Variants in EYA1 observed in about 807,000 individuals in gnomAD.
EYA1 encodes protein phosphatase EYA1.
EYA1 carries 16 observed loss-of-function variants against 82.0 expected under a neutral mutation model. That is an observed-to-expected ratio of 0.20 (90% CI 0.13 to 0.30). The LOEUF is 0.30. Ranked by LOEUF, EYA1 falls within the 10% of genes least tolerant of loss-of-function variation. The pLI, the probability that EYA1 is intolerant of heterozygous loss-of-function variation, is 1.00. For missense variants in EYA1, 633 were observed against 730.7 expected (o/e 0.87, Z 1.54); for synonymous variants, 261 against 264.4 (o/e 0.99, Z 0.12).
chr8:71,546,701 A>C (rs780670882), intron 1 of EYA1, among the ~76,000 whole-genome samples: 1 of 151,994 alleles, frequency 6.6e-6, no homozygotes, highest in African/African-American at 2.4e-5. Flanking sequence ...ACGGGGCTTC[A>C]CCATGTTGGC....
chr8:71,514,686 G>A (rs1812837894), intron 2 of EYA1, among the ~76,000 whole-genome samples: 1 of 152,052 alleles, frequency 6.6e-6, no homozygotes, highest in Non-Finnish European at 1.5e-5. Context: ...AATAGCACAG[G>A]AAAGATGGGC....
chr8:71,425,141 G>A (rs1454165549), intron 2 of EYA1, among the ~76,000 whole-genome samples: 5 of 149,256 alleles, frequency 3.3e-5, no homozygotes, highest in African/African-American at 9.9e-5. Context: ...CAATGAGCCG[G>A]GCGTGGTGGC....
rs904524666 is a variant in EYA1, at chr8:71,420,109, A to G, written c.34-63598T>C. ...ATAATTGATAGGCTCCCTAGTGCAA[A>G]TAAGTGTCTAATAAATAATTAAATT... On this transcript the variant is annotated intron_variant, in intron 2 of 18. Coordinates refer to the EYA1 transcript ENST00000643681. 4.6e-5 allele frequency among the ~76,000 whole-genome samples: 7 copies of G among 152,290 alleles called. No individual in the cohort carries two copies. In the East Asian group the frequency reaches 7.7e-4, roughly 17 times the overall value.
chr8:71,443,247 A>T (rs1806567381), intron 2 of EYA1, among the ~76,000 whole-genome samples: 1 of 152,174 alleles, frequency 6.6e-6, no homozygotes, highest in East Asian at 1.9e-4. Flanking sequence ...GCTGGAAAAA[A>T]ATCTATGGCA....
chr8:71,448,730 A>T (rs891360088), intron 2 of EYA1: 1 of 154,414 alleles, frequency 6.5e-6, no homozygotes, highest in Non-Finnish European at 1.5e-5. Context: ...TATTTAATCA[A>T]GTTACCTACA....
intron 2 of EYA1, among the ~76,000 whole-genome samples, chr8:71,430,634 T>G (rs1805547620): frequency 6.6e-6 from 1 of 152,174 alleles, no homozygotes; most frequent in Non-Finnish European, 1.5e-5. Context: ...GGTAAATAAT[T>G]GATTCCTTTA....
chr8:71,333,541 T>C (rs1204644136), intron 4 of EYA1, among the ~76,000 whole-genome samples: 1 of 152,238 alleles, frequency 6.6e-6, no homozygotes, highest in Non-Finnish European at 1.5e-5. Flanking sequence ...CACTTTCTTG[T>C]CAGTAATTTC....
chr8:71,323,053 TTGAAC>T (rs1822758955), intron 4 of EYA1, among the ~76,000 whole-genome samples: 1 of 152,222 alleles, frequency 6.6e-6, no homozygotes. Context: ...TGCTCTAATT[TTGAAC>T]TGAAGAAGCA....
At chr8:71,375,828 C>T (rs915639869) in intron 2 of EYA1, among the ~76,000 whole-genome samples, 2 of 152,024 alleles carry the variant, frequency 1.3e-5, no homozygotes, top group African/African-American at 4.8e-5. Context: ...AGGGTTTCAC[C>T]ATCTTGGCCA....
chr8:71,216,337 T>C (rs1325252042), intron 14 of EYA1, among the ~76,000 whole-genome samples: 1 of 152,114 alleles, frequency 6.6e-6, no homozygotes, highest in Non-Finnish European at 1.5e-5. Context: ...AATCCAAGTA[T>C]TTACCCTGTA....
At chr8:71,457,580 C>T (rs891460193) in intron 2 of EYA1, among the ~76,000 whole-genome samples, 3 of 152,148 alleles carry the variant, frequency 2.0e-5, no homozygotes, top group African/African-American at 7.2e-5. Flanking sequence ...ACTATGCAGC[C>T]ATAAAAAATG....
chr8:71,381,381 C>T (rs918767645), intron 2 of EYA1, among the ~76,000 whole-genome samples: 5 of 152,120 alleles, frequency 3.3e-5, no homozygotes, highest in Non-Finnish European at 7.4e-5. Context: ...TCAGTCTCTG[C>T]ATTAACCTCT....
chr8:71,471,227 T>C (rs974969588), intron 2 of EYA1, among the ~76,000 whole-genome samples: 2 of 151,996 alleles, frequency 1.3e-5, no homozygotes, highest in Admixed American at 1.3e-4. Context: ...ATCTAGATAA[T>C]ATGAACACAA....
intron 3 of EYA1, among the ~76,000 whole-genome samples, chr8:71,347,190 TG>T (rs1825822615): frequency 1.3e-5 from 2 of 152,228 alleles, no homozygotes; most frequent in Admixed American, 1.3e-4. Context: ...GTAAAGAATG[TG>T]GCTTTGAAAT....
intron 2 of EYA1, among the ~76,000 whole-genome samples, chr8:71,487,270 C>A (rs1810644475): frequency 6.6e-6 from 1 of 152,102 alleles, no homozygotes; most frequent in Non-Finnish European, 1.5e-5. Flanking sequence ...AATTTAATTA[C>A]TGTGGGTTAA....
chr8:71,458,615 G>T (rs1586758593), intron 2 of EYA1, among the ~76,000 whole-genome samples: 1 of 152,034 alleles, frequency 6.6e-6, no homozygotes, highest in Non-Finnish European at 1.5e-5. Flanking sequence ...TTTTGGTGAT[G>T]GATTAGATAT....
intron 11 of EYA1, among the ~76,000 whole-genome samples, chr8:71,264,854 A>G (rs1460391389): frequency 6.6e-6 from 1 of 152,108 alleles, no homozygotes; most frequent in East Asian, 1.9e-4. Context: ...AAGTGCTGGG[A>G]TTACACGCAT....
chr8:71,417,743 A>T (rs1830933414), intron 2 of EYA1, among the ~76,000 whole-genome samples: 1 of 152,202 alleles, frequency 6.6e-6, no homozygotes, highest in Non-Finnish European at 1.5e-5. Flanking sequence ...AGCAATGCTG[A>T]GGTTGAGAAA....
At chr8:71,265,050 C>A (rs1289590864) in intron 11 of EYA1, among the ~76,000 whole-genome samples, 1 of 152,168 alleles carries the variant, frequency 6.6e-6, no homozygotes, top group East Asian at 1.9e-4. Flanking sequence ...CAAATCCGAT[C>A]CTCTTTCTAT....
Sources: allele counts gnomAD v4.1 joint callset (sites outside exome capture counted in the v4.1 genomes callset), GRCh38; gene constraint gnomAD v4.1.1; transcripts MANE v1.5; gene names NCBI Gene and HGNC (gene_info 2026-07-23, HGNC 2026-07-21).